DLGAP1: variants seen among roughly 807,000 people sequenced by gnomAD.
DLGAP1 encodes the protein disks large-associated protein 1.
DLGAP1 carries 11 observed loss-of-function variants against 90.8 expected under a neutral mutation model. The observed-to-expected ratio is 0.12, with a 90% confidence interval of 0.08 to 0.20. The LOEUF is 0.20. Among genes scored for constraint, DLGAP1 ranks in the 10% least tolerant of loss-of-function variants. The pLI is 1.00. For missense variants in DLGAP1, 1,050 were observed against 1,333.8 expected, an observed-to-expected ratio of 0.79 and a Z score of 3.31; for synonymous variants, 558 against 540.7, an observed-to-expected ratio of 1.03 and a Z score of -0.44.
chr18:4,304,889 C>T (rs2143329914), intron 1 of DLGAP1, among the ~76,000 whole-genome samples: 1 of 151,786 alleles, frequency 6.6e-6, no homozygotes, highest in Middle Eastern at 3.4e-3. Flanking sequence ...TGAGATTGCA[C>T]CACTGCACTC....
chr18:4,258,086 G>A (rs539446674), intron 1 of DLGAP1, among the ~76,000 whole-genome samples: 3 of 149,058 alleles, frequency 2.0e-5, no homozygotes, highest in African/African-American at 5.0e-5. Context: ...GGATAAGCAT[G>A]GGACTCACCC....
chr18:3,917,067 G>T (rs1168378870), intron 3 of DLGAP1, among the ~76,000 whole-genome samples: 1 of 152,166 alleles, frequency 6.6e-6, no homozygotes, highest in African/African-American at 2.4e-5. Context: ...TACAAAATAG[G>T]CTTTGTGTTA....
chr18:4,035,503 G>A (rs1315828303), intron 2 of DLGAP1, among the ~76,000 whole-genome samples: 1 of 152,006 alleles, frequency 6.6e-6, no homozygotes, highest in Non-Finnish European at 1.5e-5. Context: ...TGAGAAAAAA[G>A]GATTTTTAAA....
At chr18:4,368,815 AC>A (rs1267146852) in intron 1 of DLGAP1, among the ~76,000 whole-genome samples, 2 of 152,234 alleles carry the variant, frequency 1.3e-5, no homozygotes, top group African/African-American at 4.8e-5. Flanking sequence ...ATATTGAAAT[AC>A]AAAAATTATT....
intron 7 of DLGAP1, among the ~76,000 whole-genome samples, chr18:3,694,939 GT>G (rs1219198458): frequency 0.018 from 2,306 of 125,260 alleles, 44 homozygotes; most frequent in East Asian, 0.097. Flanking sequence ...TGTTTTTTTT[GT>G]TTTTTTTTTT....
intron 5 of DLGAP1, among the ~76,000 whole-genome samples, chr18:3,799,048 A>AT (rs1358422168): frequency 2.0e-5 from 3 of 151,976 alleles, no homozygotes; most frequent in Non-Finnish European, 4.4e-5. Flanking sequence ...TAATTTTTGT[A>AT]TTTTTAGTAC....
At chr18:3,600,901 T>A (rs1176950078) in intron 7 of DLGAP1, among the ~76,000 whole-genome samples, 1 of 91,612 alleles carries the variant, frequency 1.1e-5, no homozygotes, top group South Asian at 3.5e-4. Flanking sequence ...TAGATATATA[T>A]AGATATATAG....
rs775427844 is a variant in DLGAP1, at chr18:4,452,072, GGTAA to G, written c.-267+2930_-267+2933del. ...CATTTTCTTAATTTAAGAAAAGAGA[GGTAA>G]GTGTGATTTCTATAGAGATGAAATC... On this transcript the variant is annotated intron_variant, in intron 1 of 12. Coordinates refer to ENST00000315677, the MANE Select transcript of DLGAP1 (RefSeq NM_004746.4). Among the ~76,000 whole-genome samples the G allele has an allele frequency of 9.9e-5, 15 of 152,158 alleles. No homozygotes were observed. The East Asian group carries it at 1.9e-3, about 20-fold the overall frequency.
intron 5 of DLGAP1, among the ~76,000 whole-genome samples, chr18:3,757,406 C>T (rs781337818): frequency 1.1e-4 from 16 of 152,008 alleles, no homozygotes; most frequent in Non-Finnish European, 1.8e-4. Context: ...GAGACTCCAC[C>T]TCAAATTAAA....
At chr18:3,666,110 C>G (rs1315669175) in intron 7 of DLGAP1, among the ~76,000 whole-genome samples, 1 of 152,102 alleles carries the variant, frequency 6.6e-6, no homozygotes, top group African/African-American at 2.4e-5. Context: ...GCAACAGAGT[C>G]CTAACAATGT....
chr18:3,606,821 C>T (rs572859677), intron 7 of DLGAP1: 97 of 152,314 alleles, frequency 6.4e-4, no homozygotes, highest in African/African-American at 2.1e-3. Flanking sequence ...TTCTTCACTG[C>T]TATGACATGA....
Position 3,951,462 on chromosome 18 carries a change from CTTTTG to C in DLGAP1, c.-73+53649_-73+53653del, listed in dbSNP as rs149306388. Among the ~76,000 whole-genome samples, 323 of 152,170 alleles carry C rather than the reference CTTTTG, an allele frequency of 2.1e-3. 1 individual carries two copies. The highest frequency in any genetic ancestry group is 7.6e-3 in the African/African-American group (315 of 41,528). On this transcript the variant is annotated intron_variant, in intron 3 of 12. Coordinates refer to ENST00000315677, the MANE Select transcript of DLGAP1 (RefSeq NM_004746.4). ...ATGATGTACTGGTTCTTCATTTTTC[CTTTTG>C]TTTGATTTATTTATTTATTGATTGG... is the stretch of plus-strand genomic sequence containing the variant.
At chr18:4,430,887 A>G (rs2083273869) in intron 1 of DLGAP1, 1 of 152,794 alleles carries the variant, frequency 6.5e-6, no homozygotes, top group Admixed American at 6.5e-5. Flanking sequence ...TCCAAGGTCA[A>G]TGACAGAGAT....
At chr18:4,199,376 T>C (rs536036932) in intron 1 of DLGAP1, among the ~76,000 whole-genome samples, 1 of 152,240 alleles carries the variant, frequency 6.6e-6, no homozygotes, top group Non-Finnish European at 1.5e-5. Context: ...TTCAACACTA[T>C]GAAGAATACT....
chr18:3,625,720 C>G (rs2058269352), intron 7 of DLGAP1, among the ~76,000 whole-genome samples: 1 of 151,866 alleles, frequency 6.6e-6, no homozygotes, highest in African/African-American at 2.4e-5. Flanking sequence ...GTTCAGAAAG[C>G]ATTTGTAAAA....
At chr18:3,535,282 A>G (rs2052290260) in intron 9 of DLGAP1, among the ~76,000 whole-genome samples, 1 of 152,194 alleles carries the variant, frequency 6.6e-6, no homozygotes, top group Admixed American at 6.5e-5. Flanking sequence ...TAGAATGTGC[A>G]GCTCTGTCAT....
chr18:4,208,974 G>A (rs1279003948), intron 1 of DLGAP1, among the ~76,000 whole-genome samples: 1 of 152,142 alleles, frequency 6.6e-6, no homozygotes, highest in African/African-American at 2.4e-5. Context: ...ACTGTCAGTG[G>A]CAATTAAATT....
intron 4 of DLGAP1, chr18:3,874,894 G>C: frequency 1.4e-6 from 1 of 720,682 alleles, no homozygotes; most frequent in Non-Finnish European, 2.0e-6. Flanking sequence ...GTATTAACTG[G>C]GACTTGCAAC....
chr18:4,378,731 T>C lies in DLGAP1; in HGVS notation c.-267+76275A>G, dbSNP rs2082063535. On this transcript the variant is annotated intron_variant, in intron 1 of 12. Transcript: ENST00000315677. This position sits in a 1 kb window ranked among gnomAD's most constrained non-coding sequence, Gnocchi z 4.5. ...TAACTTACTACTTAATCTGAACCCATTTTATCTGTTTTTATTTCCAACTCT... is the reference window on the plus strand; with the variant it reads ...TAACTTACTACTTAATCTGAACCCACTTTATCTGTTTTTATTTCCAACTCT... Among the ~76,000 whole-genome samples the C allele has an allele frequency of 6.6e-6, 1 of 152,130 alleles. No individual in the cohort carries two copies. The highest frequency in any genetic ancestry group is 2.4e-5 in the African/African-American group (1 of 41,438).
Sources: gnomAD v4.1 joint callset for allele counts (sites outside exome capture counted in the v4.1 genomes callset) on GRCh38, gnomAD v4.1.1 for gene constraint, Gnocchi (gnomAD v3.1) non-coding constraint, MANE v1.5 for transcripts, NCBI Gene and HGNC (gene_info 2026-07-23, HGNC 2026-07-21) for gene names.